B4GALT5: variants seen among roughly 807,000 people sequenced by gnomAD.
B4GALT5 encodes the protein UDP-Gal:beta-GlcNAc beta-1,4-galactosyltransferase 5.
A neutral mutation model predicts 45.0 loss-of-function variants in B4GALT5; 11 were observed. That is an observed-to-expected ratio of 0.24 (90% CI 0.15 to 0.40). The LOEUF is 0.40. Ranked by LOEUF, B4GALT5 falls within the 10% of genes least tolerant of loss-of-function variation. B4GALT5 has a pLI of 1.00. For synonymous variants in B4GALT5, 185 were observed against 182.9 expected (o/e 1.01, Z -0.09); for missense variants, 337 against 500.2 (o/e 0.67, Z 3.11).
intron 1 of B4GALT5, among the ~76,000 whole-genome samples, chr20:49,680,659 T>A (rs1417750496): frequency 1.3e-5 from 2 of 152,156 alleles, no homozygotes; most frequent in African/African-American, 2.4e-5. Context: ...GACTAATTTT[T>A]AATAGGTGCA....
chr20:49,690,942 T>C (rs1195721259), intron 1 of B4GALT5, among the ~76,000 whole-genome samples: 1 of 152,186 alleles, frequency 6.6e-6, no homozygotes, highest in African/African-American at 2.4e-5. Flanking sequence ...CAAGAATGGA[T>C]TGCTGCCTCT....
intron 1 of B4GALT5, among the ~76,000 whole-genome samples, chr20:49,664,565 A>G (rs1388173278): frequency 6.6e-6 from 1 of 152,188 alleles, no homozygotes; most frequent in East Asian, 1.9e-4. Context: ...TTAGAGACAT[A>G]ACTAAACGCA....
At chr20:49,638,878 C>T (rs1409951125) in intron 7 of B4GALT5, among the ~76,000 whole-genome samples, 1 of 152,134 alleles carries the variant, frequency 6.6e-6, no homozygotes, top group Non-Finnish European at 1.5e-5. Flanking sequence ...ACATAAATTA[C>T]AGTACATCTA....
At chr20:49,709,135 T>C (rs1056254508) in intron 1 of B4GALT5, among the ~76,000 whole-genome samples, 6 of 152,172 alleles carry the variant, frequency 3.9e-5, no homozygotes, top group Non-Finnish European at 8.8e-5. Context: ...GCTTCTGTTA[T>C]CTTTTAAAAG....
chr20:49,694,989 G>C (rs2085832642), intron 1 of B4GALT5, among the ~76,000 whole-genome samples: 1 of 152,086 alleles, frequency 6.6e-6, no homozygotes, highest in Admixed American at 6.5e-5. Context: ...CAACCCTGCT[G>C]ATGCTCACTT....
chr20:49,656,800 T>C (rs1041382038), intron 1 of B4GALT5, 98 bp from the exon 2 acceptor site: 1 of 1,494,640 alleles, frequency 6.7e-7, no homozygotes, highest in African/African-American at 1.4e-5. Context: ...TTTTGGACTT[T>C]TAAAGCCTCT....
intron 1 of B4GALT5, among the ~76,000 whole-genome samples, chr20:49,664,274 A>G (rs1317849582): frequency 6.6e-6 from 1 of 152,154 alleles, no homozygotes; most frequent in Non-Finnish European, 1.5e-5. Context: ...GTTGGAGTGC[A>G]GTGGCATGAA....
intron 1 of B4GALT5, among the ~76,000 whole-genome samples, chr20:49,712,792 C>G (rs2085920698): frequency 1.7e-5 from 1 of 58,870 alleles, no homozygotes; most frequent in African/African-American, 6.9e-5. Context: ...GTCTGGGGGG[C>G]TGGGGGCAAA....
intron 2 of B4GALT5, among the ~76,000 whole-genome samples, chr20:49,653,284 T>A (rs2085629593): frequency 6.6e-6 from 1 of 152,046 alleles, no homozygotes; most frequent in Admixed American, 6.6e-5. Context: ...CAGTCTGGAG[T>A]TGGTATTTTC....
intron 3 of B4GALT5, 106 bp from the exon 4 acceptor site, chr20:49,643,756 GT>G: frequency 7.7e-7 from 1 of 1,303,176 alleles, no homozygotes; most frequent in Non-Finnish European, 1.0e-6. Context: ...AGCTGAATTT[GT>G]TTTTAGCAAG....
chr20:49,646,250 G>A (rs978211196), intron 3 of B4GALT5, among the ~76,000 whole-genome samples: 1 of 152,118 alleles, frequency 6.6e-6, no homozygotes, highest in Non-Finnish European at 1.5e-5. Context: ...TAAATTTGGT[G>A]CAGCCAAAGT....
chr20:49,640,502 G>T lies in B4GALT5; in HGVS notation c.770C>A (p.Thr257Asn). Residue 257 changes from threonine to asparagine, a missense_variant, in exon 6 of 9, where the codon ACC (threonine) becomes AAC (asparagine). Around this residue, in one of 2 missense-constraint regions of B4GALT5, gnomAD observed 163 missense variants for 292.8 expected, o/e 0.56. Coordinates refer to ENST00000371711, the MANE Select transcript of B4GALT5 (RefSeq NM_004776.4). ...GCGQMPRHFA[T>N]KLDKYMYLLP... ...CAGATACATATACTTATCCAATTTG[G>T]TTGCAAAATGCCTCGGCATCTGTCC... 1.2e-6 allele frequency: 2 copies of T among 1,607,600 alleles called. No individual in the cohort carries two copies. The highest frequency in any genetic ancestry group is 1.7e-6 in the Non-Finnish European group (2 of 1,178,112).
intron 1 of B4GALT5, among the ~76,000 whole-genome samples, chr20:49,690,843 T>C (rs556264073): frequency 8.0e-4 from 122 of 152,300 alleles, no homozygotes; most frequent in Admixed American, 1.8e-3. Flanking sequence ...GAAGAATCCT[T>C]ACCCTGAAAT....
At chr20:49,671,584 G>A (rs1193033903) in intron 1 of B4GALT5, among the ~76,000 whole-genome samples, 2 of 152,124 alleles carry the variant, frequency 1.3e-5, no homozygotes, top group African/African-American at 4.8e-5. Context: ...GATGTTCAGT[G>A]TTTTTTATCT....
At chr20:49,690,003 G>A (rs566826781) in intron 1 of B4GALT5, among the ~76,000 whole-genome samples, 97 of 152,136 alleles carry the variant, frequency 6.4e-4, no homozygotes, top group African/African-American at 2.2e-3. Flanking sequence ...TTTTGTTGTT[G>A]TTATTTGTTT....
intron 1 of B4GALT5, among the ~76,000 whole-genome samples, chr20:49,687,854 A>C (rs1367803806): frequency 2.6e-5 from 4 of 151,998 alleles, no homozygotes; most frequent in Non-Finnish European, 4.4e-5. Flanking sequence ...CCCTCAGAGA[A>C]ACAACTCCAA....
In B4GALT5 at chr20:49,656,602, A is replaced by C. The variant is rs1024262531; in HGVS notation, c.216T>G (p.Ala72=). The change falls in exon 2 of 9, where the codon GCT becomes GCG. Residue 72 remains alanine, a synonymous_variant. Transcript: ENST00000371711. The stretch of plus-strand genomic sequence containing the variant: ...TTACACTGCTGTTCCTCTTGGCATA[A>C]GCACTCCGAAGCACCTGCTCATAAA... ...AQVYEQVLRS[A]YAKRNSSVND... is the part of the protein sequence containing the mutation. The C allele has an allele frequency of 8.7e-6, 14 of 1,614,070 alleles. No individual in the cohort carries two copies. The highest frequency in any genetic ancestry group is 1.2e-5 in the Non-Finnish European group (14 of 1,180,030).
chr20:49,684,102 C>T (rs2085775553), intron 1 of B4GALT5, among the ~76,000 whole-genome samples: 2 of 151,888 alleles, frequency 1.3e-5, no homozygotes, highest in East Asian at 1.9e-4. Flanking sequence ...GATCACACCG[C>T]TGCTTTCCAG....
Position 49,636,253 on chromosome 20 carries a change from A to C in B4GALT5, c.*59T>G. Reference sequence around the variant, plus strand: ...GTAGACCCTCCCCCCTCCAAAAAAAAATCTCATCGGACTGCTTTCTTGGTG... The same window carrying C: ...GTAGACCCTCCCCCCTCCAAAAAAACATCTCATCGGACTGCTTTCTTGGTG... On this transcript the variant is annotated 3_prime_UTR_variant, in exon 9 of 9. Coordinates refer to ENST00000371711, the MANE Select transcript of B4GALT5 (RefSeq NM_004776.4). 3 of 1,591,372 alleles carry C rather than the reference A, an allele frequency of 1.9e-6. No homozygotes were observed. Among genetic ancestry groups the C allele is most frequent in the East Asian group, 2.2e-5 (1 of 44,726 alleles).
Sources: gnomAD v4.1 joint callset for allele counts (sites outside exome capture counted in the v4.1 genomes callset) on GRCh38, gnomAD v4.1.1 for gene constraint, gnomAD v4.1.1 regional missense constraint, MANE v1.5 for transcripts, NCBI Gene and HGNC (gene_info 2026-07-23, HGNC 2026-07-21) for gene names.